OTOF: variants seen among roughly 807,000 people sequenced by gnomAD.
OTOF encodes fer-1-like family member 2.
Under a neutral mutation model 236.8 loss-of-function variants are expected in OTOF, and 218 were observed. The observed-to-expected ratio is 0.92, with a 90% confidence interval of 0.82 to 1.03. OTOF has a LOEUF of 1.03. Among genes scored for constraint, OTOF ranks in the 50% least tolerant of loss-of-function variants. OTOF has a pLI of 0.00. For missense variants in OTOF, 2,590 were observed against 2,694.4 expected, an observed-to-expected ratio of 0.96 and a Z score of 0.86; for synonymous variants, 1,041 against 1,072.5, an observed-to-expected ratio of 0.97 and a Z score of 0.57.
In OTOF at chr2:26,473,360, G is replaced by A. The variant is rs181720802; in HGVS notation, c.3570+46C>T. 5.6e-6 allele frequency: 9 copies of A among 1,612,932 alleles called. No individual in the cohort carries two copies. The Admixed American group carries it at 1.3e-4, about 24-fold the overall frequency. On this transcript the variant is annotated intron_variant, in intron 28 of 46. Coordinates refer to ENST00000272371, the MANE Select transcript of OTOF (RefSeq NM_194248.3). This position sits in a 1 kb window ranked among gnomAD's most constrained non-coding sequence, Gnocchi z 7.2. ...GCAGAGGAAGCCGGCTGGCTGAGTG[G>A]AGCCACACTGGCCACAGGATGTCCT...
chr2:26,487,765 C>A (rs937111536), intron 11 of OTOF, among the ~76,000 whole-genome samples: 2 of 152,220 alleles, frequency 1.3e-5, no homozygotes, highest in African/African-American at 4.8e-5. Flanking sequence ...TCAGGGATGC[C>A]AGTCATTCCA....
In OTOF at chr2:26,461,076, G is replaced by A; in HGVS notation, c.5534-46C>T. ...GCTCAGAGTGAACAGGGCTGGGGTG[G>A]GGCGGGGTGGGGGTGGGGGTCTGGG... On this transcript the variant is annotated intron_variant, in intron 43 of 46. Coordinates refer to ENST00000272371, the MANE Select transcript of OTOF (RefSeq NM_194248.3). The surrounding 1 kb of genome is among the most constrained non-coding windows in gnomAD (Gnocchi z 6.2). The A allele has an allele frequency of 1.6e-6, 2 of 1,213,982 alleles. No individual in the cohort carries two copies. Among genetic ancestry groups the A allele is most frequent in the South Asian group, 2.5e-5 (2 of 78,962 alleles). The allele number at this position is 1,213,982 out of a possible 1,614,324, so 75.2% of individuals were successfully genotyped here.
At position 26,543,096 on chromosome 2, in the gene OTOF, A is replaced by G. The variant is rs1242319306; in HGVS notation, c.80-5322T>C. On this transcript the variant is annotated intron_variant, in intron 1 of 46. Transcript: ENST00000272371. ...TCCCATTCCCTCCCACAAAGCTCCC[A>G]TGTCCTGGCGTCTCCTCTCCCTCTC... is the stretch of plus-strand genomic sequence containing the variant. Among the ~76,000 whole-genome samples, 10 of 152,230 alleles carry G rather than the reference A, an allele frequency of 6.6e-5. No individual in the cohort carries two copies. The East Asian group carries it at 1.9e-3, about 29-fold the overall frequency.
At position 26,462,551 on chromosome 2, in the gene OTOF, T is replaced by C. The variant is rs1664531018; in HGVS notation, c.5193-370A>G. Among the ~76,000 whole-genome samples, 1 of 152,216 alleles carries C rather than the reference T, an allele frequency of 6.6e-6. No homozygotes were observed. The highest frequency in any genetic ancestry group is 1.5e-5 in the Non-Finnish European group (1 of 68,038). On this transcript the variant is annotated intron_variant, in intron 41 of 46. Transcript: ENST00000272371. The surrounding 1 kb of genome is among the most constrained non-coding windows in gnomAD (Gnocchi z 4.7). ...AAGGTTTAATTGTAATTATGAATGA[T>C]GTAGTTCATTTCAATCATTAAGAGT...
chr2:26,461,994 C>G lies in OTOF; in HGVS notation c.5292-57G>C. On this transcript the variant is annotated intron_variant, in intron 42 of 46. Transcript: ENST00000272371. This position sits in a 1 kb window ranked among gnomAD's most constrained non-coding sequence, Gnocchi z 6.2. ...AGGCTGGTGGGGCCTCTCCCACCCACAGCCACCTTCCCTCTGCCTCCTCTC... is the reference window on the plus strand; with the variant it reads ...AGGCTGGTGGGGCCTCTCCCACCCAGAGCCACCTTCCCTCTGCCTCCTCTC... 4 of 1,613,496 alleles carry G rather than the reference C, an allele frequency of 2.5e-6. No individual in the cohort carries two copies. The highest frequency in any genetic ancestry group is 2.5e-6 in the Non-Finnish European group (3 of 1,179,872).
intron 39 of OTOF, among the ~76,000 whole-genome samples, chr2:26,464,617 T>G (rs1004858373): frequency 6.6e-6 from 1 of 152,154 alleles, no homozygotes; most frequent in African/African-American, 2.4e-5. Context: ...GGGATGCAGA[T>G]AGCCTCTCTA....
At chr2:26,540,792 C>T (rs901077449) in intron 1 of OTOF, among the ~76,000 whole-genome samples, 1 of 151,996 alleles carries the variant, frequency 6.6e-6, no homozygotes. Context: ...GAGGAAAAAA[C>T]CATAAAGCAG....
At chr2:26,532,993 G>A (rs1451633537) in intron 2 of OTOF, among the ~76,000 whole-genome samples, 3 of 152,156 alleles carry the variant, frequency 2.0e-5, no homozygotes, top group Admixed American at 6.5e-5. Context: ...CATATCCCGG[G>A]CCACAGACCA....
intron 4 of OTOF, among the ~76,000 whole-genome samples, chr2:26,516,823 G>C (rs1666541061): frequency 6.6e-6 from 1 of 152,168 alleles, no homozygotes; most frequent in South Asian, 2.1e-4. Flanking sequence ...CCTGGCTCCA[G>C]GTCCCGCTGC....
At chr2:26,472,221 T>C in intron 30 of OTOF, 1 of 444,672 alleles carries the variant, frequency 2.2e-6, no homozygotes, top group South Asian at 2.0e-5. Context: ...ACACCACACA[T>C]ACGCATGCAC....
chr2:26,491,429 G>A (rs1665838182), intron 9 of OTOF, among the ~76,000 whole-genome samples: 1 of 152,134 alleles, frequency 6.6e-6, no homozygotes, highest in Non-Finnish European at 1.5e-5. Flanking sequence ...CCAGAGAGAG[G>A]TGACAGACTC....
intron 5 of OTOF, among the ~76,000 whole-genome samples, chr2:26,511,190 G>A (rs1178326619): frequency 1.3e-5 from 2 of 152,214 alleles, no homozygotes; most frequent in African/African-American, 4.8e-5. Flanking sequence ...CCTCCAATGG[G>A]GTGGGAGCTC....
At chr2:26,521,648 C>A (rs1161007174) in intron 3 of OTOF, among the ~76,000 whole-genome samples, 2 of 152,206 alleles carry the variant, frequency 1.3e-5, no homozygotes, top group Non-Finnish European at 2.9e-5. Flanking sequence ...GTGTGCTGAG[C>A]AAGATTGGCC....
At chr2:26,527,040 C>T (rs1572478842) in intron 3 of OTOF, among the ~76,000 whole-genome samples, 1 of 152,276 alleles carries the variant, frequency 6.6e-6, no homozygotes, top group East Asian at 1.9e-4. Flanking sequence ...GTGTTCAAAT[C>T]CTTCTGAATT....
intron 31 of OTOF, 102 bp downstream of exon 31, chr2:26,471,019 G>A (rs541626041): frequency 1.4e-6 from 2 of 1,436,246 alleles, no homozygotes; most frequent in Non-Finnish European, 2.0e-6. Context: ...GCATGCGGGG[G>A]CTGGGGCTGG....
Position 26,461,545 on chromosome 2 carries a change from G to T in OTOF, c.5533+151C>A. 9.3e-7 allele frequency: 1 copy of T among 1,070,500 alleles called. No homozygotes were observed. Among genetic ancestry groups the T allele is most frequent in the Non-Finnish European group, 1.4e-6 (1 of 728,882 alleles). The allele number at this position is 1,070,500 out of a possible 1,614,324, so 66.3% of individuals were successfully genotyped here. On this transcript the variant is annotated intron_variant, in intron 43 of 46. Transcript: ENST00000272371. This position sits in a 1 kb window ranked among gnomAD's most constrained non-coding sequence, Gnocchi z 6.2. Reference sequence around the variant, plus strand: ...GGGACGGTTAGGTGGGTCCTTGGGGGCGGAACCCCGTCGGACACCCCTGGC... The same window carrying T: ...GGGACGGTTAGGTGGGTCCTTGGGGTCGGAACCCCGTCGGACACCCCTGGC...
In OTOF at chr2:26,460,899, A is replaced by G. The variant is rs1243247038; in HGVS notation, c.5665T>C (p.Trp1889Arg). ...TCATTGCGGGCCAGGAGGGGCCACC[A>G]GCCTTTGACGCGCTTTTGCTTGAAG... ...SIFKQKRVKG[W>R]WPLLARNEND... The change falls in exon 44 of 47, where the codon TGG becomes CGG. Residue 1889 changes from tryptophan to arginine, a missense_variant. This residue lies in a region of OTOF where 1,211 missense variants were observed against 1,352.8 expected (regional missense o/e 0.90). Coordinates refer to ENST00000272371, the MANE Select transcript of OTOF (RefSeq NM_194248.3). The surrounding 1 kb of genome is among the most constrained non-coding windows in gnomAD (Gnocchi z 5.3). 4 of 1,614,138 alleles carry G rather than the reference A, an allele frequency of 2.5e-6. No homozygotes were observed. The highest frequency in any genetic ancestry group is 3.4e-6 in the Non-Finnish European group (4 of 1,180,014).
At position 26,480,780 on chromosome 2, in the gene OTOF, T is replaced by TCTCACCTCCGAGATGGGCGTGGC. The variant is rs1665517166; in HGVS notation, c.1786_1803+5dup. ...CTGGGGGACAGCACAGTGCCTGGGG[T>TCTCACCTCCGAGATGGGCGTGGC]CTCACCTCCGAGATGGGCGTGGCCT... On this transcript the variant is annotated splice_donor_region_variant and intron_variant, in intron 15 of 46. Transcript: ENST00000272371. 3.1e-6 allele frequency: 5 copies of TCTCACCTCCGAGATGGGCGTGGC among 1,607,806 alleles called. No homozygotes were observed. In the African/African-American group the frequency reaches 6.7e-5, roughly 22 times the overall value.
chr2:26,476,971 G>T lies in OTOF; in HGVS notation c.2596C>A (p.Pro866Thr), dbSNP rs1323405579. Reference sequence around the variant, plus strand: ...ATGGAGAAGAGCAGGTCCTTGGAGGGCACACGGGCATAGGCGACACGCTTG... The same window carrying T: ...ATGGAGAAGAGCAGGTCCTTGGAGGTCACACGGGCATAGGCGACACGCTTG... ...NNKRVAYARVPSKDLLFSIVE... is the reference protein window; with the variant it reads ...NNKRVAYARVTSKDLLFSIVE... Residue 866 changes from proline to threonine, a missense_variant, in exon 22 of 47, where the codon CCC becomes ACC. By Grantham distance (38) the Pro-to-Thr change is conservative. Transcript: ENST00000272371. 6.2e-7 allele frequency: 1 copy of T among 1,611,564 alleles called. No individual in the cohort carries two copies. Among genetic ancestry groups the T allele is most frequent in the Non-Finnish European group, 8.5e-7 (1 of 1,179,238 alleles).
Sources: gnomAD v4.1 joint callset for allele counts (sites outside exome capture counted in the v4.1 genomes callset) on GRCh38, gnomAD v4.1.1 for gene constraint, gnomAD v4.1.1 regional missense constraint, Gnocchi (gnomAD v3.1) non-coding constraint, MANE v1.5 for transcripts, NCBI Gene and HGNC (gene_info 2026-07-23, HGNC 2026-07-21) for gene names.